NOM1: variants seen among roughly 807,000 people sequenced by gnomAD.
NOM1 encodes the protein nucleolar MIF4G domain-containing protein 1.
Under a neutral mutation model 73.3 loss-of-function variants are expected in NOM1, and 58 were observed. The ratio of observed to expected loss-of-function variants is 0.79; its 90% CI spans 0.64 to 0.99. NOM1 has a LOEUF of 0.99. NOM1 is among the 50% of genes least tolerant of loss of function. The probability of loss-of-function intolerance (pLI) is 0.00; values close to 1 mark genes in which losing one functional copy is unlikely to be tolerated. For synonymous variants in NOM1, 487 were observed against 446.8 expected (o/e 1.09, Z -1.14); for missense variants, 1,226 against 1,131.9 (o/e 1.08, Z -1.19).
rs753810021 is a variant in NOM1 at position 156,962,210 on chromosome 7, A to G, written c.1692A>G (p.Pro564=). 28 of 1,614,036 alleles carry G rather than the reference A, an allele frequency of 1.7e-5. No homozygotes were observed. The East Asian group carries it at 5.3e-4, about 31-fold the overall frequency. ...AGAACAATGACATGCGCAAAATTCC[A>G]GGCTATGACCCCGAGCCCGTGGAGA... ...ALKNNDMRKI[P]GYDPEPVEKL... The change falls in exon 5 of 11, where the codon CCA becomes CCG. Residue 564 remains proline (P), a synonymous_variant. Transcript: ENST00000275820.
chr7:156,968,360 G>A (rs1291896313), intron 9 of NOM1, among the ~76,000 whole-genome samples: 3 of 152,060 alleles, frequency 2.0e-5, no homozygotes, highest in Admixed American at 1.3e-4. Context: ...CTCTCATTCC[G>A]AGTTTCTCTG....
intron 1 of NOM1, 136 bp downstream of exon 1, chr7:156,950,860 GT>G: frequency 2.7e-6 from 2 of 743,846 alleles, no homozygotes; most frequent in Non-Finnish European, 4.3e-6. Flanking sequence ...AATCGAGTAC[GT>G]TACTCTATTC....
rs1357304030 is a variant in NOM1 at position 156,972,728 on chromosome 7, G to C, written c.*3025G>C. 1 of 152,294 alleles carries C rather than the reference G, an allele frequency of 6.6e-6. No homozygotes were observed. 9.4% of individuals were successfully genotyped at this position (152,294 alleles called of 1,614,324 possible). On this transcript the variant is annotated 3_prime_UTR_variant, in exon 11 of 11. Coordinates refer to ENST00000275820, the MANE Select transcript of NOM1 (RefSeq NM_138400.2). ...ACCTGTAATCCCAGCTACTCGGGAG[G>C]CTGAGGCAGGAGAATCGCTTGAACC...
Position 156,954,202 on chromosome 7 carries a change from C to G in NOM1, c.1212C>G (p.Leu404=). 1 of 1,613,944 alleles carries G rather than the reference C, an allele frequency of 6.2e-7. No individual in the cohort carries two copies. Among genetic ancestry groups the G allele is most frequent in the Non-Finnish European group, 8.5e-7 (1 of 1,179,934 alleles). The change falls in exon 3 of 11, where the codon CTC becomes CTG. Residue 404 remains leucine, a synonymous_variant. Coordinates refer to ENST00000275820, the MANE Select transcript of NOM1 (RefSeq NM_138400.2). Reference sequence around the variant, plus strand: ...TGAATGACACCCTGACCTCCGCTCTCATGGGTGCCTGCGTCACTGCCTCGG... The same window carrying G: ...TGAATGACACCCTGACCTCCGCTCTGATGGGTGCCTGCGTCACTGCCTCGG... ...KDMNDTLTSA[L]MGACVTASAM... is the part of the protein sequence containing the mutation.
Position 156,963,142 on chromosome 7 carries a change from C to G in NOM1, c.1878C>G (p.His626Gln), listed in dbSNP as rs1401206843. ...WSGAPMIDNS[H>Q]HTHLQKQLVG... Reference sequence around the variant, plus strand: ...GGGCCCCGATGATCGACAACAGTCACCATACGCACCTGCAGAAGCAGCTTG... The same window carrying G: ...GGGCCCCGATGATCGACAACAGTCAGCATACGCACCTGCAGAAGCAGCTTG... The change falls in exon 6 of 11, where the codon CAC becomes CAG. Residue 626 changes from histidine (H) to glutamine (Q), a missense_variant. Coordinates refer to ENST00000275820, the MANE Select transcript of NOM1 (RefSeq NM_138400.2). The G allele has an allele frequency of 1.2e-5, 19 of 1,614,006 alleles. No individual in the cohort carries two copies. Among genetic ancestry groups the G allele is most frequent in the Non-Finnish European group, 1.5e-5 (18 of 1,180,032 alleles).
chr7:156,949,851 G>C lies in NOM1; in HGVS notation c.114G>C (p.Gly38=), dbSNP rs1270918186. ...CGCGCCGCGGTCCTGCTGGCGGTGG[G>C]GAGAAGGCCCTGAAGAGGCTGAAGC... The part of the protein sequence containing the change: ...RGPRRGPAGG[G]EKALKRLKLA... The change falls in exon 1 of 11, where the codon GGG becomes GGC. Residue 38 remains glycine (G), a synonymous_variant. Transcript: ENST00000275820. 8 of 1,478,676 alleles carry C rather than the reference G, an allele frequency of 5.4e-6. No individual in the cohort carries two copies. Among genetic ancestry groups the C allele is most frequent in the Non-Finnish European group, 7.2e-6 (8 of 1,114,568 alleles). The allele number at this position is 1,478,676 out of a possible 1,614,324, so 91.6% of individuals were successfully genotyped here. A position where few individuals can be genotyped will look rare whatever the true frequency, so the allele number is the denominator to read the frequency against.
chr7:156,971,451 GATC>G lies in NOM1; in HGVS notation c.*1751_*1753del, dbSNP rs1310757114. On this transcript the variant is annotated 3_prime_UTR_variant, in exon 11 of 11. Coordinates refer to ENST00000275820, the MANE Select transcript of NOM1 (RefSeq NM_138400.2). Reference sequence around the variant, plus strand: ...CACCCAGGCCAGAGTGCAGTGGCACGATCATAGTTACCGCAGCATCAAATTCCT... The same window carrying G: ...CACCCAGGCCAGAGTGCAGTGGCACGATAGTTACCGCAGCATCAAATTCCT... 2.6e-5 allele frequency: 4 copies of G among 151,704 alleles called. No homozygotes were observed. The highest frequency in any genetic ancestry group is 4.4e-5 in the Non-Finnish European group (3 of 67,776). The allele number at this position is 151,704 out of a possible 1,614,324, so 9.4% of individuals were successfully genotyped here. A position where few individuals can be genotyped will look rare whatever the true frequency, so the allele number is the denominator to read the frequency against.
intron 3 of NOM1, among the ~76,000 whole-genome samples, chr7:156,956,889 T>C (rs1804737985): frequency 1.3e-5 from 2 of 152,208 alleles, no homozygotes; most frequent in South Asian, 2.1e-4. Context: ...ACTTTCTTGG[T>C]ACCTCCCTGT....
chr7:156,959,305 C>T (rs1381976105), intron 3 of NOM1, among the ~76,000 whole-genome samples: 1 of 141,756 alleles, frequency 7.1e-6, no homozygotes, highest in African/African-American at 2.5e-5. Flanking sequence ...GGTTTCACCA[C>T]GTTAGCCAGG....
At position 156,949,815 on chromosome 7, in the gene NOM1, C is replaced by A. The variant is rs1352840715; in HGVS notation, c.78C>A (p.Gly26=). Reference sequence around the variant, plus strand: ...GCGTGGTCCGCATGAAGCGCAGAGGCGGGCGCGGGCCGCGCCGCGGTCCTG... The same window carrying A: ...GCGTGGTCCGCATGAAGCGCAGAGGAGGGCGCGGGCCGCGCCGCGGTCCTG... ...QGRVVRMKRR[G]GRGPRRGPAG... The change falls in exon 1 of 11, where the codon GGC becomes GGA. Residue 26 remains glycine, a synonymous_variant. Coordinates refer to ENST00000275820, the MANE Select transcript of NOM1 (RefSeq NM_138400.2). The A allele has an allele frequency of 1.4e-6, 2 of 1,444,922 alleles. No individual in the cohort carries two copies. Among genetic ancestry groups the A allele is most frequent in the Non-Finnish European group, 1.8e-6 (2 of 1,102,052 alleles). The allele number at this position is 1,444,922 out of a possible 1,614,324, so 89.5% of individuals were successfully genotyped here. A position where few individuals can be genotyped will look rare whatever the true frequency, so the allele number is the denominator to read the frequency against.
rs1354335115 is a variant in NOM1 at position 156,962,194 on chromosome 7, A to G, written c.1676A>G (p.Asp559Gly). Reference protein sequence around the residue: ...LETMLALKNNDMRKIPGYDPE... With the variant: ...LETMLALKNNGMRKIPGYDPE... ...ACGATGTTGGCCCTGAAGAACAATG[A>G]CATGCGCAAAATTCCAGGCTATGAC... Residue 559 changes from aspartate (D) to glycine (G), a missense_variant, in exon 5 of 11, where the codon GAC becomes GGC. Asp to Gly is a moderately conservative substitution (Grantham distance 94, BLOSUM62 -1). Coordinates refer to ENST00000275820, the MANE Select transcript of NOM1 (RefSeq NM_138400.2). 1.2e-6 allele frequency: 2 copies of G among 1,614,040 alleles called. No individual in the cohort carries two copies. Among genetic ancestry groups the G allele is most frequent in the African/African-American group, 1.3e-5 (1 of 74,930 alleles).
Position 156,959,865 on chromosome 7 carries a change from T to G in NOM1, c.1323T>G (p.Phe441Leu), listed in dbSNP as rs1563682086. The G allele has an allele frequency of 6.2e-7, 1 of 1,614,102 alleles. No homozygotes were observed. The highest frequency in any genetic ancestry group is 2.2e-5 in the East Asian group (1 of 44,884). The change falls in exon 4 of 11, where the codon TTT becomes TTG. Residue 441 changes from phenylalanine (F) to leucine (L), a missense_variant. Physicochemically the swap from Phe to Leu is conservative, Grantham distance 22. Coordinates refer to ENST00000275820, the MANE Select transcript of NOM1 (RefSeq NM_138400.2). ...GGTTCTTTCAGGTCGGTGCCCACTTTCTGGAGGCAGTGGTGAGGAAGTTCG... is the reference window on the plus strand; with the variant it reads ...GGTTCTTTCAGGTCGGTGCCCACTTGCTGGAGGCAGTGGTGAGGAAGTTCG... ...HTVGIEVGAHFLEAVVRKFDA... is the reference protein window; with the variant it reads ...HTVGIEVGAHLLEAVVRKFDA...
At chr7:156,960,324 G>A in intron 4 of NOM1, 150 bp downstream of exon 4, 1 of 637,766 alleles carries the variant, frequency 1.6e-6, no homozygotes, top group Non-Finnish European at 2.8e-6. Context: ...GCTTTAATAT[G>A]TGAATGGACC....
At chr7:156,951,048 C>G (rs1046069993) in intron 1 of NOM1, among the ~76,000 whole-genome samples, 1 of 152,142 alleles carries the variant, frequency 6.6e-6, no homozygotes, top group Non-Finnish European at 1.5e-5. Flanking sequence ...AGGCCTCTTT[C>G]GAGTATCCGA....
At position 156,970,755 on chromosome 7, in the gene NOM1, G is replaced by A. The variant is rs908364310; in HGVS notation, c.*1052G>A. ...AGTATTTAGGTTGCAATTAACTTTG[G>A]CAAAGTCAGTCGACATAAGCCCTGT... On this transcript the variant is annotated 3_prime_UTR_variant, in exon 11 of 11. Coordinates refer to ENST00000275820, the MANE Select transcript of NOM1 (RefSeq NM_138400.2). 6.6e-6 allele frequency: 1 copy of A among 152,214 alleles called. No homozygotes were observed. The highest frequency in any genetic ancestry group is 1.5e-5 in the Non-Finnish European group (1 of 68,054). The allele number at this position is 152,214 out of a possible 1,614,324, so 9.4% of individuals were successfully genotyped here.
intron 1 of NOM1, among the ~76,000 whole-genome samples, chr7:156,951,072 G>C (rs1804580577): frequency 6.6e-6 from 1 of 152,116 alleles, no homozygotes; most frequent in Admixed American, 6.5e-5. Context: ...CATCTGCCGT[G>C]CCCGACTTTT....
rs1586575362 is a variant in NOM1 at position 156,966,347 on chromosome 7, A to G, written c.2111A>G (p.Asn704Ser). ...MDCCLQEKTY[N>S]PFYAFLASKF... Reference sequence around the variant, plus strand: ...TGCTGCCTTCAAGAGAAAACTTACAATCCCTTCTATGCTTTCCTGGCTAGC... The same window carrying G: ...TGCTGCCTTCAAGAGAAAACTTACAGTCCCTTCTATGCTTTCCTGGCTAGC... Residue 704 changes from asparagine to serine, a missense_variant, in exon 8 of 11, where the codon AAT (asparagine) becomes AGT (serine). Physicochemically the swap from Asn to Ser is conservative, Grantham distance 46. Coordinates refer to ENST00000275820, the MANE Select transcript of NOM1 (RefSeq NM_138400.2). 2.5e-6 allele frequency: 4 copies of G among 1,614,222 alleles called. No individual in the cohort carries two copies. In the East Asian group the frequency reaches 6.7e-5, roughly 27 times the overall value.
In NOM1 at chr7:156,949,894, G is replaced by A. The variant is rs1461058660; in HGVS notation, c.157G>A (p.Val53Met). ...GCTGAAGCTAGCGGTGGAGGAGTTC[G>A]TGCACGCGACTTCGGAAGGCGAGGC... ...KRLKLAVEEF[V>M]HATSEGEAPG... is the part of the protein sequence containing the mutation. Residue 53 changes from valine to methionine, a missense_variant, in exon 1 of 11, where the codon GTG (valine) becomes ATG (methionine). Physicochemically the swap from Val to Met is conservative, Grantham distance 21. Transcript: ENST00000275820. The A allele has an allele frequency of 6.5e-7, 1 of 1,538,642 alleles. No homozygotes were observed. Among genetic ancestry groups the A allele is most frequent in the Non-Finnish European group, 8.7e-7 (1 of 1,142,892 alleles).
chr7:156,951,340 T>C (rs1024537209), intron 1 of NOM1, among the ~76,000 whole-genome samples: 5 of 152,052 alleles, frequency 3.3e-5, no homozygotes, highest in African/African-American at 9.7e-5. Context: ...TGAGCCGAGA[T>C]CGCGCTACTG....
Sources: gnomAD v4.1 joint callset for allele counts (sites outside exome capture counted in the v4.1 genomes callset) on GRCh38, gnomAD v4.1.1 for gene constraint, MANE v1.5 for transcripts, NCBI Gene and HGNC (gene_info 2026-07-23, HGNC 2026-07-21) for gene names.